EYS: variants seen among roughly 807,000 people sequenced by gnomAD.
EYS encodes EGF-like photoreceptor maintenance factor.
Under a neutral mutation model 282.1 loss-of-function variants are expected in EYS, and 250 were observed. The observed-to-expected ratio is 0.89, with a 90% confidence interval of 0.80 to 0.98. The LOEUF (loss-of-function observed/expected upper bound fraction) is 0.98. EYS is among the 50% of genes least tolerant of loss of function. EYS has a pLI of 0.00. For missense variants in EYS, 4,016 were observed against 3,709.0 expected, an observed-to-expected ratio of 1.08 and a Z score of -2.15; for synonymous variants, 1,355 against 1,282.9, an observed-to-expected ratio of 1.06 and a Z score of -1.20.
intron 22 of EYS, among the ~76,000 whole-genome samples, chr6:64,734,881 G>A (rs943642694): frequency 6.6e-6 from 1 of 151,758 alleles, no homozygotes; most frequent in African/African-American, 2.4e-5. Flanking sequence ...CATTAACTAT[G>A]ATTTCAGAAC....
intron 35 of EYS, among the ~76,000 whole-genome samples, chr6:63,933,097 G>A (rs1764946282): frequency 6.6e-6 from 1 of 152,234 alleles, no homozygotes; most frequent in Admixed American, 6.5e-5. Flanking sequence ...GGCAAGGCAT[G>A]TGGAAAGGGG....
intron 5 of EYS, among the ~76,000 whole-genome samples, chr6:65,426,141 A>ATTTTTAT (rs953587205): frequency 1.3e-5 from 2 of 151,914 alleles, no homozygotes; most frequent in African/African-American, 4.8e-5. Flanking sequence ...CACCCAGCTG[A>ATTTTTAT]TTTTTATTTT....
chr6:65,369,544 G>A (rs1765058443), intron 8 of EYS, among the ~76,000 whole-genome samples: 1 of 150,814 alleles, frequency 6.6e-6, no homozygotes, highest in African/African-American at 2.4e-5. Flanking sequence ...TGTAAGTCTG[G>A]GGTTCTCTAA....
At chr6:64,490,815 A>T (rs1352274871) in intron 26 of EYS, among the ~76,000 whole-genome samples, 1 of 150,892 alleles carries the variant, frequency 6.6e-6, no homozygotes, top group Non-Finnish European at 1.5e-5. Flanking sequence ...GCTTGGAAGA[A>T]TAAAAATGTA....
intron 29 of EYS, among the ~76,000 whole-genome samples, chr6:64,371,626 C>A (rs141103856): frequency 6.6e-6 from 1 of 152,066 alleles, no homozygotes; most frequent in Non-Finnish European, 1.5e-5. Context: ...AAGTCTTCCA[C>A]TATTATTCTG....
At chr6:64,414,468 C>A (rs1440610107) in intron 28 of EYS, among the ~76,000 whole-genome samples, 8 of 151,906 alleles carry the variant, frequency 5.3e-5, no homozygotes, top group South Asian at 2.1e-4. Context: ...TTATATCAGA[C>A]AAATGAAACA....
chr6:65,460,778 T>C (rs1764802362), intron 5 of EYS, among the ~76,000 whole-genome samples: 1 of 152,006 alleles, frequency 6.6e-6, no homozygotes, highest in Non-Finnish European at 1.5e-5. Context: ...TATAGATCAA[T>C]TAGTTCACAT....
At chr6:65,503,343 C>G (rs1766530828) in intron 2 of EYS, among the ~76,000 whole-genome samples, 1 of 151,466 alleles carries the variant, frequency 6.6e-6, no homozygotes, top group East Asian at 1.9e-4. Flanking sequence ...TTTTAAGAAT[C>G]CTTTTACATT....
chr6:64,291,638 A>G (rs1471372014), intron 30 of EYS, among the ~76,000 whole-genome samples: 1 of 152,088 alleles, frequency 6.6e-6, no homozygotes, highest in Non-Finnish European at 1.5e-5. Context: ...TAAAAAGTCA[A>G]ATTGGAATAG....
At chr6:64,085,327 C>T (rs1463560906) in intron 31 of EYS, among the ~76,000 whole-genome samples, 3 of 122,246 alleles carry the variant, frequency 2.5e-5, no homozygotes, top group African/African-American at 3.9e-5. Flanking sequence ...CGCGCGCGTG[C>T]GCACGTGCGC....
At chr6:63,937,345 C>CTTTTTTTTTTTTTTTTTTTTTTTTTTT (rs778809745) in intron 35 of EYS, among the ~76,000 whole-genome samples, 1 of 54,498 alleles carries the variant, frequency 1.8e-5, no homozygotes, top group Non-Finnish European at 3.5e-5. Flanking sequence ...TCTCTCTTTT[C>CTTTTTTTTTTTTTTTTTTTTTTTTTTT]TTTTTTTTTT....
At chr6:65,140,312 T>C (rs1764295391) in intron 12 of EYS, among the ~76,000 whole-genome samples, 1 of 151,590 alleles carries the variant, frequency 6.6e-6, no homozygotes, top group African/African-American at 2.4e-5. Context: ...AATACAAAAA[T>C]AAAATTTGTT....
intron 13 of EYS, among the ~76,000 whole-genome samples, chr6:65,030,211 C>G (rs1049355335): frequency 6.6e-6 from 1 of 152,070 alleles, no homozygotes; most frequent in Non-Finnish European, 1.5e-5. Context: ...CTGAGCTTTC[C>G]CTTCTCTGCC....
At chr6:65,593,200 C>A (rs1257257111) in intron 2 of EYS, among the ~76,000 whole-genome samples, 1 of 151,960 alleles carries the variant, frequency 6.6e-6, no homozygotes, top group African/African-American at 2.4e-5. Context: ...TCTGTCTTTC[C>A]AAAACTGTCT....
chr6:64,928,026 C>G (rs915813227), intron 15 of EYS, among the ~76,000 whole-genome samples: 9 of 151,974 alleles, frequency 5.9e-5, no homozygotes, highest in African/African-American at 2.2e-4. Context: ...ATTTTGGGTT[C>G]AGTGGTAGTT....
chr6:65,470,980 T>C (rs1247257632), intron 5 of EYS, among the ~76,000 whole-genome samples: 1 of 151,672 alleles, frequency 6.6e-6, no homozygotes, highest in Non-Finnish European at 1.5e-5. Context: ...CTACTAACAA[T>C]ACAAAAATTA....
intron 12 of EYS, among the ~76,000 whole-genome samples, chr6:65,061,874 A>C (rs1443330784): frequency 6.6e-6 from 1 of 151,920 alleles, no homozygotes; most frequent in Non-Finnish European, 1.5e-5. Context: ...TTTCATGCAT[A>C]GTATCTCAAA....
intron 5 of EYS, among the ~76,000 whole-genome samples, chr6:65,417,246 A>T (rs1767274129): frequency 6.6e-6 from 1 of 152,030 alleles, no homozygotes. Context: ...CCAATAACAA[A>T]ATATAATTTA....
intron 24 of EYS, among the ~76,000 whole-genome samples, chr6:64,603,861 C>CTG (rs34430318): frequency 0.026 from 3,855 of 148,032 alleles, 59 homozygotes; most frequent in East Asian, 0.039. Context: ...AAATGAATAC[C>CTG]TGTGTGTGTG....
Sources: allele counts gnomAD v4.1 joint callset (sites outside exome capture counted in the v4.1 genomes callset), GRCh38; gene constraint gnomAD v4.1.1; transcripts MANE v1.5; gene names NCBI Gene and HGNC (gene_info 2026-07-23, HGNC 2026-07-21).